CCDC3: variants seen among roughly 807,000 people sequenced by gnomAD.
The protein encoded by CCDC3 is coiled-coil domain containing 3.
A neutral mutation model predicts 21.4 loss-of-function variants in CCDC3; 24 were observed. That is an observed-to-expected ratio of 1.12 (90% confidence interval 0.81 to 1.58). The LOEUF (loss-of-function observed/expected upper bound fraction) is 1.58. CCDC3 is among the 40% of genes most tolerant of loss of function. The probability of loss-of-function intolerance (pLI) is 0.00; values close to 1 mark genes in which losing one functional copy is unlikely to be tolerated. For missense variants in CCDC3, 425 were observed against 360.9 expected, an observed-to-expected ratio of 1.18 and a Z score of -1.44; for synonymous variants, 186 against 166.0, an observed-to-expected ratio of 1.12 and a Z score of -0.93.
rs939144474 is a variant in CCDC3, at chr10:12,929,027, GC to G, written c.550-30349del. Reference sequence around the variant, plus strand: ...GCCTGTAATCCCAGCACTTTGGGAGGCCTAGGTGGGTGGATCATGAGGTCAG... The same window carrying G: ...GCCTGTAATCCCAGCACTTTGGGAGGCTAGGTGGGTGGATCATGAGGTCAG... On this transcript the variant is annotated intron_variant, in intron 2 of 2. Coordinates refer to ENST00000378825, the MANE Select transcript of CCDC3 (RefSeq NM_031455.4). 7.6e-4 allele frequency among the ~76,000 whole-genome samples: 115 copies of G among 152,208 alleles called. 1 individual carries two copies. Among genetic ancestry groups the G allele is most frequent in the African/African-American group, 2.7e-3 (111 of 41,528 alleles).
intron 5 of CCDC3, among the ~76,000 whole-genome samples, chr10:13,029,579 G>A (rs1298053520): frequency 1.3e-5 from 2 of 152,070 alleles, no homozygotes; most frequent in African/African-American, 4.8e-5. Flanking sequence ...TCGCAAAGAA[G>A]CTAAAAACCA....
rs1490236982 is a variant in CCDC3 at position 12,947,294 on chromosome 10, CCCA to C, written c.550-48618_550-48616del. Among the ~76,000 whole-genome samples the C allele has an allele frequency of 3.3e-5, 5 of 151,944 alleles. No individual in the cohort carries two copies. The East Asian group carries it at 9.7e-4, about 29-fold the overall frequency. The stretch of plus-strand genomic sequence containing the variant: ...TCCCAAGTAGCTGAGATTACAGGCG[CCCA>C]CCACCACACCTGGCTAATTTTTGTA... On this transcript the variant is annotated intron_variant, in intron 2 of 2. Coordinates refer to ENST00000378825, the MANE Select transcript of CCDC3 (RefSeq NM_031455.4).
At chr10:12,989,130 C>T (rs1430719191) in intron 2 of CCDC3, among the ~76,000 whole-genome samples, 6 of 152,244 alleles carry the variant, frequency 3.9e-5, no homozygotes, top group Non-Finnish European at 5.9e-5. Flanking sequence ...TCTGGCCCAA[C>T]GCTGCCCATG....
intron 4 of CCDC3, among the ~76,000 whole-genome samples, chr10:13,067,446 T>C (rs1836834852): frequency 6.6e-6 from 1 of 152,228 alleles, no homozygotes; most frequent in South Asian, 2.1e-4. Context: ...GGATCACTGT[T>C]TATATTCTCT....
intron 4 of CCDC3, among the ~76,000 whole-genome samples, chr10:13,071,711 G>A (rs1046966860): frequency 2.0e-5 from 3 of 152,146 alleles, no homozygotes; most frequent in Non-Finnish European, 4.4e-5. Context: ...CGTCCCTCAC[G>A]TACTCTGGGT....
chr10:12,904,468 T>TAAGAAAAAAA (rs1834141409), intron 2 of CCDC3, among the ~76,000 whole-genome samples: 1 of 40,902 alleles, frequency 2.4e-5, no homozygotes. Flanking sequence ...AAGCCAGTCT[T>TAAGAAAAAAA]AAAAAAAAAA....
At chr10:12,938,192 T>G (rs1834769717) in intron 2 of CCDC3, among the ~76,000 whole-genome samples, 2 of 152,184 alleles carry the variant, frequency 1.3e-5, no homozygotes, top group Admixed American at 6.5e-5. Context: ...CAAACTAACC[T>G]CCACCCACAG....
At chr10:13,072,133 C>A (rs1023843740) in intron 4 of CCDC3, among the ~76,000 whole-genome samples, 2 of 152,164 alleles carry the variant, frequency 1.3e-5, no homozygotes, top group African/African-American at 2.4e-5. Context: ...GCTGTCCTTA[C>A]CGTAACCTCC....
In CCDC3 at chr10:13,001,189, G is replaced by A. The variant is rs1319764616; in HGVS notation, c.374+8C>T. The A allele has an allele frequency of 1.9e-6, 3 of 1,547,050 alleles. No individual in the cohort carries two copies. Among genetic ancestry groups the A allele is most frequent in the Non-Finnish European group, 2.6e-6 (3 of 1,145,344 alleles). ...AGAGAGAGGTGGCGGCGGCGCCGCC[G>A]GGCTCACCTGAGGAAGAAGAAATAG... On this transcript the variant is annotated splice_region_variant and intron_variant, in intron 1 of 2. Coordinates refer to ENST00000378825, the MANE Select transcript of CCDC3 (RefSeq NM_031455.4).
intron 2 of CCDC3, among the ~76,000 whole-genome samples, chr10:12,917,288 G>C (rs1834375082): frequency 6.9e-6 from 1 of 143,980 alleles, no homozygotes; most frequent in African/African-American, 2.6e-5. Flanking sequence ...CCGCCTCCCG[G>C]GTTCATGCCA....
At chr10:12,936,044 GACTT>G (rs1226760137) in intron 2 of CCDC3, among the ~76,000 whole-genome samples, 1 of 152,124 alleles carries the variant, frequency 6.6e-6, no homozygotes, top group Non-Finnish European at 1.5e-5. Flanking sequence ...ATTGTATCTT[GACTT>G]ACTCATTCTC....
At chr10:13,047,035 A>T (rs1168648405) in intron 5 of CCDC3, among the ~76,000 whole-genome samples, 1 of 152,046 alleles carries the variant, frequency 6.6e-6, no homozygotes, top group Non-Finnish European at 1.5e-5. Context: ...CCCTAGTAAG[A>T]TGAGAGAGGG....
rs535177557 is a variant in CCDC3, at chr10:13,094,925, G to A, written c.-503+3600C>T. 3.9e-5 allele frequency among the ~76,000 whole-genome samples: 6 copies of A among 152,114 alleles called. No individual in the cohort carries two copies. In the East Asian group the frequency reaches 7.8e-4, roughly 20 times the overall value. ...AGGAGCTTAGCACAGCACACACACC[G>A]TGAACAGGCTTGTCTCAAAGCAGAG... On this transcript the variant is annotated intron_variant, in intron 3 of 6. Coordinates refer to the CCDC3 transcript ENST00000378839.
At chr10:13,072,780 A>G (rs1292097616) in intron 4 of CCDC3, among the ~76,000 whole-genome samples, 1 of 151,744 alleles carries the variant, frequency 6.6e-6, no homozygotes, top group East Asian at 1.9e-4. Flanking sequence ...ACCCAGTTTT[A>G]GCTGAACTAA....
At chr10:12,962,083 A>C (rs574267521) in intron 2 of CCDC3, among the ~76,000 whole-genome samples, 1 of 152,294 alleles carries the variant, frequency 6.6e-6, no homozygotes, top group Admixed American at 6.5e-5. Context: ...AGAAGAATGA[A>C]AACAGAAACT....
intron 2 of CCDC3, among the ~76,000 whole-genome samples, chr10:12,910,517 A>G (rs1213664831): frequency 6.7e-6 from 1 of 150,116 alleles, no homozygotes; most frequent in Non-Finnish European, 1.5e-5. Context: ...GTTTCTGCCA[A>G]TTCAAGGATT....
chr10:13,095,618 C>G (rs1465395318), intron 3 of CCDC3, among the ~76,000 whole-genome samples: 1 of 152,190 alleles, frequency 6.6e-6, no homozygotes, highest in East Asian at 1.9e-4. Flanking sequence ...TGCTCACCCA[C>G]CCGTTGCTCA....
chr10:12,919,513 C>T (rs1389698814), intron 2 of CCDC3, among the ~76,000 whole-genome samples: 1 of 151,024 alleles, frequency 6.6e-6, no homozygotes, highest in African/African-American at 2.4e-5. Flanking sequence ...TCACTTGAAC[C>T]CAGGAGGCAG....
chr10:13,078,367 C>T (rs1324098197), intron 3 of CCDC3, among the ~76,000 whole-genome samples: 3 of 152,274 alleles, frequency 2.0e-5, no homozygotes, highest in African/African-American at 4.8e-5. Context: ...ACAACAGGTG[C>T]TGGAGAGGAT....
Sources: gnomAD v4.1 joint callset for allele counts (sites outside exome capture counted in the v4.1 genomes callset) on GRCh38, gnomAD v4.1.1 for gene constraint, MANE v1.5 for transcripts, NCBI Gene and HGNC (gene_info 2026-07-23, HGNC 2026-07-21) for gene names.